Variants in TCF4 observed in about 807,000 individuals in gnomAD.
TCF4 encodes the protein SL3-3 enhancer factor 2.
A neutral mutation model predicts 82.1 loss-of-function variants in TCF4; 3 were observed. The ratio of observed to expected loss-of-function variants is 0.04; its 90% CI spans 0.02 to 0.09. The LOEUF (loss-of-function observed/expected upper bound fraction) is 0.09, where lower values mean the gene tolerates loss of function less well. Ranked by LOEUF, TCF4 falls within the 10% of genes least tolerant of loss-of-function variation. TCF4 has a pLI of 1.00. For missense variants in TCF4, 518 were observed against 852.7 expected (o/e 0.61, Z 4.89); for synonymous variants, 276 against 309.6 (o/e 0.89, Z 1.14).
chr18:55,364,495 A>G (rs978569916), intron 6 of TCF4, among the ~76,000 whole-genome samples: 1 of 152,208 alleles, frequency 6.6e-6, no homozygotes, highest in East Asian at 1.9e-4. Flanking sequence ...CATTCTGGCA[A>G]ATTCTGTGGT....
At chr18:55,517,157 C>T (rs1603618422) in intron 3 of TCF4, among the ~76,000 whole-genome samples, 1 of 152,192 alleles carries the variant, frequency 6.6e-6, no homozygotes, top group Non-Finnish European at 1.5e-5. Context: ...TTTCTTAGCA[C>T]CCTGATACTG....
chr18:55,340,255 A>G (rs1353784173), intron 8 of TCF4, among the ~76,000 whole-genome samples: 2 of 152,212 alleles, frequency 1.3e-5, no homozygotes, highest in Non-Finnish European at 2.9e-5. Flanking sequence ...AGCTCCGGGC[A>G]TCACAGCCGA....
At chr18:55,429,008 A>G (rs1169153108) in intron 5 of TCF4, among the ~76,000 whole-genome samples, 1 of 152,224 alleles carries the variant, frequency 6.6e-6, no homozygotes, top group Non-Finnish European at 1.5e-5. Context: ...GAAAAAAACT[A>G]ATTAAGCAAA....
At chr18:55,584,340 G>A (rs1270628642) in intron 3 of TCF4, among the ~76,000 whole-genome samples, 3 of 152,072 alleles carry the variant, frequency 2.0e-5, no homozygotes, top group Non-Finnish European at 4.4e-5. Flanking sequence ...TTGGCCTAAT[G>A]TACTGTTATA....
At chr18:55,588,448 C>A, upstream of TCF4, 1 of 1,534,540 alleles carries the variant, frequency 6.5e-7, no homozygotes, top group Non-Finnish European at 8.7e-7. Flanking sequence ...CCAAAAAATA[C>A]AAACGAAAAT....
intron 8 of TCF4, among the ~76,000 whole-genome samples, chr18:55,295,788 C>T (rs1052528038): frequency 1.3e-5 from 2 of 152,156 alleles, no homozygotes; most frequent in African/African-American, 2.4e-5. Context: ...ATATGCCATG[C>T]TCACCCCTGC....
intron 5 of TCF4, among the ~76,000 whole-genome samples, chr18:55,451,383 C>A (rs1431353725): frequency 2.0e-5 from 3 of 152,104 alleles, no homozygotes; most frequent in African/African-American, 4.8e-5. Flanking sequence ...ACCTGGGAAA[C>A]CAGAAAACGG....
chr18:55,586,158 GC>G lies in TCF4; in HGVS notation c.73-807del, dbSNP rs2097646561. The G allele has an allele frequency of 9.7e-4, 115 of 118,994 alleles. 2 individuals carry two copies. The highest frequency in any genetic ancestry group is 8.5e-3 in the African/African-American group (52 of 6,142). 7.4% of individuals were successfully genotyped at this position (118,994 alleles called of 1,614,324 possible). On this transcript the variant is annotated intron_variant, in intron 2 of 19. Transcript: ENST00000354452. ...AGAAGGAGGAGGAGGAGGAGGAGCA[GC>G]AGCAGCAGCAGCAGCAGCAGCAGCA...
rs571923312 is a variant in TCF4 at position 55,512,659 on chromosome 18, G to T, written c.146-48522C>A. The stretch of plus-strand genomic sequence containing the variant: ...CTATTATTAAGAATTTATCAAAATC[G>T]AGTGGGAGTGGTATATATAGATGAG... On this transcript the variant is annotated intron_variant, in intron 3 of 19. Coordinates refer to ENST00000354452, the MANE Select transcript of TCF4 (RefSeq NM_001083962.2). Among the ~76,000 whole-genome samples the T allele has an allele frequency of 3.9e-5, 6 of 152,094 alleles. No individual in the cohort carries two copies. In the South Asian group the frequency reaches 6.2e-4, roughly 16 times the overall value.
intron 3 of TCF4, among the ~76,000 whole-genome samples, chr18:55,483,538 A>C (rs1648056318): frequency 1.3e-5 from 2 of 152,242 alleles, no homozygotes; most frequent in African/African-American, 4.8e-5. Flanking sequence ...AAATGCAGTG[A>C]AACAGTCAGA....
chr18:55,305,176 A>G (rs1343876532), intron 8 of TCF4, among the ~76,000 whole-genome samples: 1 of 152,242 alleles, frequency 6.6e-6, no homozygotes, highest in Non-Finnish European at 1.5e-5. Context: ...TCCTCCCGCT[A>G]TCATCCCCAA....
chr18:55,298,089 A>G (rs149340753), intron 8 of TCF4, among the ~76,000 whole-genome samples: 1 of 152,156 alleles, frequency 6.6e-6, no homozygotes, highest in Non-Finnish European at 1.5e-5. Flanking sequence ...CTAAATTTCA[A>G]TCTGCAAACC....
At chr18:55,455,741 G>T (rs1281045342) in intron 5 of TCF4, among the ~76,000 whole-genome samples, 4 of 152,106 alleles carry the variant, frequency 2.6e-5, no homozygotes, top group African/African-American at 4.8e-5. Flanking sequence ...TGCCATTATT[G>T]TACAGGTTTT....
chr18:55,392,161 C>A (rs528743759), intron 6 of TCF4, among the ~76,000 whole-genome samples: 1 of 150,760 alleles, frequency 6.6e-6, no homozygotes, highest in Non-Finnish European at 1.5e-5. Flanking sequence ...GATGGCATTT[C>A]GCCATGTTCG....
chr18:55,274,048 G>C (rs1382609741), intron 10 of TCF4, among the ~76,000 whole-genome samples: 1 of 152,100 alleles, frequency 6.6e-6, no homozygotes, highest in African/African-American at 2.4e-5. Context: ...CCAACATGCG[G>C]TATAGTGCCT....
intron 8 of TCF4, among the ~76,000 whole-genome samples, chr18:55,285,570 C>T (rs2063504093): frequency 6.6e-6 from 1 of 152,204 alleles, no homozygotes; most frequent in Non-Finnish European, 1.5e-5. Flanking sequence ...GTCCCTCAGT[C>T]ACAGTAGCCA....
At chr18:55,418,003 A>ATGTGTGTGTG (rs201657057) in intron 5 of TCF4, among the ~76,000 whole-genome samples, 2 of 143,386 alleles carry the variant, frequency 1.4e-5, no homozygotes, top group African/African-American at 2.6e-5. Context: ...TCTTGAGCAA[A>ATGTGTGTGTG]TGTGTGTGTG....
intron 3 of TCF4, among the ~76,000 whole-genome samples, chr18:55,580,378 G>T (rs980950555): frequency 1.3e-5 from 2 of 151,794 alleles, no homozygotes. Context: ...AATACATCAG[G>T]CTTGGTTACC....
intron 3 of TCF4, among the ~76,000 whole-genome samples, chr18:55,478,215 G>A (rs1036888595): frequency 6.6e-6 from 1 of 152,184 alleles, no homozygotes; most frequent in Non-Finnish European, 1.5e-5. Flanking sequence ...AGCAAAGATT[G>A]CAATGTTACT....
Sources: gnomAD v4.1 joint callset for allele counts (sites outside exome capture counted in the v4.1 genomes callset) on GRCh38, gnomAD v4.1.1 for gene constraint, MANE v1.5 for transcripts, NCBI Gene and HGNC (gene_info 2026-07-23, HGNC 2026-07-21) for gene names.